Variants in ZFHX3 observed in about 807,000 individuals in gnomAD.
ZFHX3 encodes the protein zinc finger homeobox protein 3.
ZFHX3 carries 42 observed loss-of-function variants against 279.1 expected under a neutral mutation model. The ratio of observed to expected loss-of-function variants is 0.15; its 90% confidence interval spans 0.12 to 0.19. The LOEUF (loss-of-function observed/expected upper bound fraction) is 0.19. ZFHX3 is among the 10% of genes least tolerant of loss of function. The pLI is 1.00. For synonymous variants in ZFHX3, 2,293 were observed against 1,957.8 expected (o/e 1.17, Z -4.52); for missense variants, 4,981 against 4,754.0 (o/e 1.05, Z -1.40).
At chr16:73,313,730 AAC>A (rs1176194103) in intron 4 of ZFHX3, among the ~76,000 whole-genome samples, 4 of 152,358 alleles carry the variant, frequency 2.6e-5, no homozygotes, top group South Asian at 4.1e-4. Flanking sequence ...GTGTCAGGCA[AAC>A]ACAGCAGACC....
At position 73,755,532 on chromosome 16, in the gene ZFHX3, T is replaced by C. The variant is rs542473953; in HGVS notation, c.-1607-75292A>G. 2.6e-5 allele frequency among the ~76,000 whole-genome samples: 4 copies of C among 152,324 alleles called. No homozygotes were observed. The South Asian group carries it at 8.3e-4, about 32-fold the overall frequency. On this transcript the variant is annotated intron_variant, in intron 1 of 17. Coordinates refer to the ZFHX3 transcript ENST00000641206. ...AAAGAATCCTACAAGAACTTATTAG[T>C]ATGAACAAACCAAACAATTCAATTT...
intron 2 of ZFHX3, among the ~76,000 whole-genome samples, chr16:73,674,662 T>G (rs1424709154): frequency 6.6e-6 from 1 of 152,212 alleles, no homozygotes; most frequent in Admixed American, 6.5e-5. Context: ...CTCTTGAATC[T>G]GGGTTGGTCA....
intron 3 of ZFHX3, among the ~76,000 whole-genome samples, chr16:72,915,899 T>C (rs974870918): frequency 6.6e-6 from 1 of 152,266 alleles, no homozygotes; most frequent in African/African-American, 2.4e-5. Context: ...ACGCCCATTC[T>C]AAGAATCACC....
chr16:73,631,898 TTC>T lies in ZFHX3; in HGVS notation c.-1547+48280_-1547+48281del, dbSNP rs139812596. On this transcript the variant is annotated intron_variant, in intron 2 of 17. Transcript: ENST00000641206. ...CTCCAGCCTGGGTGATAGAGTGGGA[TTC>T]TCTCTCTCTCTCTCTCTCTCTCTCT... Among the ~76,000 whole-genome samples, 599 of 130,260 alleles carry T rather than the reference TTC, an allele frequency of 4.6e-3. 5 individuals are homozygous for T. Among genetic ancestry groups the T allele is most frequent in the African/African-American group, 0.015 (518 of 34,590 alleles). 85.5% of individuals were successfully genotyped at this position (130,260 alleles called of 152,430 possible). A position where few individuals can be genotyped will look rare whatever the true frequency, so the allele number is the denominator to read the frequency against.
At chr16:72,803,589 C>T (rs879276251) in intron 7 of ZFHX3, among the ~76,000 whole-genome samples, 7 of 152,196 alleles carry the variant, frequency 4.6e-5, no homozygotes, top group Non-Finnish European at 8.8e-5. Flanking sequence ...AATGTCCATA[C>T]TTCCAGCCAT....
At chr16:72,930,992 A>C (rs1433077007) in intron 3 of ZFHX3, among the ~76,000 whole-genome samples, 28 of 152,190 alleles carry the variant, frequency 1.8e-4, no homozygotes, top group Admixed American at 1.8e-3. Flanking sequence ...TTTGTGTTCA[A>C]ATTTGCAACC....
chr16:72,951,543 T>C (rs1961002494), intron 2 of ZFHX3, among the ~76,000 whole-genome samples: 1 of 152,226 alleles, frequency 6.6e-6, no homozygotes, highest in Non-Finnish European at 1.5e-5. Context: ...ATGACAGGCA[T>C]GAGCCACCGC....
intron 1 of ZFHX3, among the ~76,000 whole-genome samples, chr16:73,698,606 T>C (rs2053218947): frequency 6.6e-6 from 1 of 152,156 alleles, no homozygotes. Flanking sequence ...TCCAGGGTAT[T>C]CCTGCCAAAA....
chr16:73,546,611 A>C (rs577898995), intron 2 of ZFHX3, among the ~76,000 whole-genome samples: 1 of 151,942 alleles, frequency 6.6e-6, no homozygotes, highest in Non-Finnish European at 1.5e-5. Context: ...GGAGATTGCC[A>C]GCCCCAGGAA....
intron 2 of ZFHX3, among the ~76,000 whole-genome samples, chr16:73,650,733 G>A (rs371371698): frequency 6.6e-6 from 1 of 152,116 alleles, no homozygotes; most frequent in Non-Finnish European, 1.5e-5. Context: ...ATTCAATTTA[G>A]GGTGGTCTTG....
At chr16:73,799,029 A>G (rs1168477675) in intron 1 of ZFHX3, among the ~76,000 whole-genome samples, 1 of 152,210 alleles carries the variant, frequency 6.6e-6, no homozygotes, top group East Asian at 1.9e-4. Flanking sequence ...AAATGTCATC[A>G]AAGCTGCCCC....
At chr16:73,014,147 G>A (rs1597091930) in intron 1 of ZFHX3, among the ~76,000 whole-genome samples, 2 of 152,102 alleles carry the variant, frequency 1.3e-5, no homozygotes, top group East Asian at 3.9e-4. Context: ...CCAGAAATGT[G>A]GGGGCCTCCA....
rs142300864 is a variant in ZFHX3 at position 73,763,200 on chromosome 16, T to C, written c.-1607-82960A>G. The stretch of plus-strand genomic sequence containing the variant: ...GTTATTTCCTAATTACAAAAAAAAA[T>C]TATCCCTCTTGGCAACTGACCTATC... On this transcript the variant is annotated intron_variant, in intron 1 of 17. Transcript: ENST00000641206. 3.3e-5 allele frequency among the ~76,000 whole-genome samples: 5 copies of C among 152,176 alleles called. No homozygotes were observed. The East Asian group carries it at 7.7e-4, about 24-fold the overall frequency.
intron 2 of ZFHX3, among the ~76,000 whole-genome samples, chr16:73,549,009 G>T (rs1184993156): frequency 6.6e-6 from 1 of 152,090 alleles, no homozygotes; most frequent in African/African-American, 2.4e-5. Flanking sequence ...AAATGTATAT[G>T]CAATTTTAGT....
chr16:72,891,902 C>G (rs1055124831), intron 3 of ZFHX3, among the ~76,000 whole-genome samples: 2 of 152,196 alleles, frequency 1.3e-5, no homozygotes, highest in African/African-American at 4.8e-5. Flanking sequence ...CTGCTTCTGT[C>G]TGATGTTTAT....
chr16:72,984,444 C>T (rs185441190), intron 1 of ZFHX3, among the ~76,000 whole-genome samples: 7 of 152,102 alleles, frequency 4.6e-5, no homozygotes, highest in Non-Finnish European at 1.0e-4. Flanking sequence ...CTGGGCAACA[C>T]AGTGCGACCT....
chr16:72,867,810 G>A (rs4788667), intron 4 of ZFHX3, among the ~76,000 whole-genome samples: 147,731 of 152,226 alleles, frequency 0.97, 72,089 homozygotes, highest in Middle Eastern at 1. Context: ...TTCTAATGAT[G>A]CCTCTGGTCA....
Position 72,788,432 on chromosome 16 carries a change from C to A in ZFHX3, c.9844G>T (p.Ala3282Ser). 6.2e-7 allele frequency: 1 copy of A among 1,614,250 alleles called. No individual in the cohort carries two copies. The highest frequency in any genetic ancestry group is 2.2e-5 in the East Asian group (1 of 44,888). ...ISAPLPTMEY[A>S]VDPAQLQALQ... is the part of the protein sequence containing the mutation. ...GCCTGCAGCTGTGCAGGGTCTACCGCATACTCCATGGTGGGCAGCGGGGCT... is the reference window on the plus strand; with the variant it reads ...GCCTGCAGCTGTGCAGGGTCTACCGAATACTCCATGGTGGGCAGCGGGGCT... Residue 3282 changes from alanine to serine, a missense_variant, in exon 10 of 10, where the codon GCG becomes TCG. By Grantham distance (99) the Ala-to-Ser change is moderately conservative. Transcript: ENST00000268489.
At chr16:73,275,383 GC>G (rs1365816005) in intron 4 of ZFHX3, among the ~76,000 whole-genome samples, 2 of 152,140 alleles carry the variant, frequency 1.3e-5, no homozygotes, top group Non-Finnish European at 2.9e-5. Flanking sequence ...GAATCTAGAA[GC>G]ATCACTTGAC....
Sources: allele counts gnomAD v4.1 joint callset (sites outside exome capture counted in the v4.1 genomes callset), GRCh38; gene constraint gnomAD v4.1.1; transcripts MANE v1.5; gene names NCBI Gene and HGNC (gene_info 2026-07-23, HGNC 2026-07-21).